PALLD: variants seen among roughly 807,000 people sequenced by gnomAD.
PALLD encodes the protein palladin, cytoskeletal associated protein, also known as palladin.
PALLD carries 61 observed loss-of-function variants against 123.5 expected under a neutral mutation model. The ratio of observed to expected loss-of-function variants is 0.49; its 90% CI spans 0.40 to 0.61. The LOEUF is 0.61. Among genes scored for constraint, PALLD ranks in the 20% least tolerant of loss-of-function variants. The pLI is 0.00. For synonymous variants in PALLD, 465 were observed against 496.4 expected, an observed-to-expected ratio of 0.94 and a Z score of 0.84; for missense variants, 1,273 against 1,377.0, an observed-to-expected ratio of 0.92 and a Z score of 1.20.
intron 2 of PALLD, among the ~76,000 whole-genome samples, chr4:168,550,277 AT>A (rs5863942): frequency 6.6e-6 from 1 of 151,208 alleles, no homozygotes; most frequent in African/African-American, 2.4e-5. Context: ...GCAAAACTAC[AT>A]TTTTTTTTAT....
intron 2 of PALLD, among the ~76,000 whole-genome samples, chr4:168,574,367 A>G (rs1219320359): frequency 6.6e-6 from 1 of 152,152 alleles, no homozygotes; most frequent in African/African-American, 2.4e-5. Flanking sequence ...AGCTTTTGCC[A>G]CTATTTAGCC....
intron 10 of PALLD, among the ~76,000 whole-genome samples, chr4:168,837,996 T>TCAGGCAAGTAGAGAATA (rs1745441286): frequency 6.6e-6 from 1 of 152,158 alleles, no homozygotes; most frequent in African/African-American, 2.4e-5. Context: ...GGGTTGCAGT[T>TCAGGCAAGTAGAGAATA]CAGGCAAGTA....
intron 10 of PALLD, among the ~76,000 whole-genome samples, chr4:168,773,146 G>T (rs1734681966): frequency 6.6e-6 from 1 of 152,128 alleles, no homozygotes; most frequent in Admixed American, 6.5e-5. Context: ...TTGGACTCCA[G>T]GTACCTGTTT....
chr4:168,631,548 T>TC (rs1775806766), intron 2 of PALLD: 1 of 909,670 alleles, frequency 1.1e-6, no homozygotes, highest in Non-Finnish European at 1.3e-6. Context: ...ACACACCCTC[T>TC]CCCCCTCCCC....
intron 2 of PALLD, among the ~76,000 whole-genome samples, chr4:168,575,305 AG>A (rs1176025754): frequency 6.6e-6 from 1 of 152,116 alleles, no homozygotes; most frequent in Non-Finnish European, 1.5e-5. Context: ...CATGGCTGGG[AG>A]GACTCAGGAA....
chr4:168,566,804 A>G (rs951181371), intron 2 of PALLD, among the ~76,000 whole-genome samples: 8 of 152,250 alleles, frequency 5.3e-5, no homozygotes, highest in African/African-American at 1.7e-4. Flanking sequence ...AGAAATCTGC[A>G]TATTAATATA....
intron 2 of PALLD, among the ~76,000 whole-genome samples, chr4:168,626,519 G>C (rs1240231325): frequency 1.3e-5 from 2 of 151,790 alleles, no homozygotes; most frequent in Admixed American, 1.3e-4. Context: ...AGACCATCCT[G>C]GGAAACGTGG....
At chr4:168,872,843 A>G (rs1032632595) in intron 10 of PALLD, among the ~76,000 whole-genome samples, 3 of 152,214 alleles carry the variant, frequency 2.0e-5, no homozygotes, top group Admixed American at 1.3e-4. Context: ...TGAGTAATAG[A>G]ATTTTAAAAG....
At chr4:168,833,400 A>G (rs948542556) in intron 10 of PALLD, among the ~76,000 whole-genome samples, 1 of 151,978 alleles carries the variant, frequency 6.6e-6, no homozygotes, top group Non-Finnish European at 1.5e-5. Flanking sequence ...GCATTCATCA[A>G]CCTGGGAGTC....
At chr4:168,835,629 T>C (rs1333580770) in intron 10 of PALLD, among the ~76,000 whole-genome samples, 1 of 134,004 alleles carries the variant, frequency 7.5e-6, no homozygotes, top group Admixed American at 7.3e-5. Flanking sequence ...AGCTCTGTTA[T>C]CAAATTTTAA....
intron 1 of PALLD, chr4:168,504,813 A>T (rs1425545977): frequency 1.3e-5 from 2 of 152,168 alleles, no homozygotes; most frequent in African/African-American, 2.4e-5. Context: ...AAAATTTCAA[A>T]ATCTTTCAAT....
chr4:168,786,712 G>C (rs1204870298), intron 10 of PALLD, among the ~76,000 whole-genome samples: 1 of 152,084 alleles, frequency 6.6e-6, no homozygotes, highest in Non-Finnish European at 1.5e-5. Context: ...CATTTAAAAA[G>C]CAGTAAATAT....
chr4:168,730,690 C>T (rs1291467049), intron 10 of PALLD, among the ~76,000 whole-genome samples: 2 of 152,074 alleles, frequency 1.3e-5, no homozygotes, highest in African/African-American at 2.4e-5. Flanking sequence ...ATCAGTTTCT[C>T]TAGAAAGACA....
chr4:168,925,145 C>A, intron 20 of PALLD, 67 bp downstream of exon 20: 1 of 1,586,990 alleles, frequency 6.3e-7, no homozygotes, highest in Non-Finnish European at 8.7e-7. Context: ...GACATCTGGA[C>A]AGCAAATCAC....
chr4:168,821,021 T>C (rs892312765), intron 10 of PALLD, among the ~76,000 whole-genome samples: 4 of 152,196 alleles, frequency 2.6e-5, no homozygotes, highest in Admixed American at 6.5e-5. Context: ...CACATCAGTA[T>C]GGAAAAAGAT....
rs566674434 is a variant in PALLD, at chr4:168,820,002, C to G, written c.1965-70920C>G. Among the ~76,000 whole-genome samples, 3 of 152,338 alleles carry G rather than the reference C, an allele frequency of 2.0e-5. No homozygotes were observed. In the South Asian group the frequency reaches 6.2e-4, roughly 32 times the overall value. On this transcript the variant is annotated intron_variant, in intron 10 of 21. Transcript: ENST00000505667. The stretch of plus-strand genomic sequence containing the variant: ...TGGCTGTTCTCTAGAGCTCTACTTG[C>G]TGCCTTTGCCTTCTTGCCCCTCTCC...
At chr4:168,725,084 G>A (rs948073564) in intron 10 of PALLD, among the ~76,000 whole-genome samples, 3 of 152,316 alleles carry the variant, frequency 2.0e-5, no homozygotes, top group African/African-American at 7.2e-5. Context: ...GGTAGCATTT[G>A]AGAGACTCCA....
intron 10 of PALLD, among the ~76,000 whole-genome samples, chr4:168,878,913 C>T (rs1042582744): frequency 2.6e-5 from 4 of 152,140 alleles, no homozygotes; most frequent in Non-Finnish European, 4.4e-5. Flanking sequence ...GCCAGCATTA[C>T]AATGGATGTG....
chr4:168,601,984 C>G (rs28507226), intron 2 of PALLD, among the ~76,000 whole-genome samples: 2,198 of 152,250 alleles, frequency 0.014, 52 homozygotes, highest in African/African-American at 0.05. Context: ...ACTTTCTAAC[C>G]ACTCAATCTA....
Sources: gnomAD v4.1 joint callset for allele counts (sites outside exome capture counted in the v4.1 genomes callset) on GRCh38, gnomAD v4.1.1 for gene constraint, MANE v1.5 for transcripts, NCBI Gene and HGNC (gene_info 2026-07-23, HGNC 2026-07-21) for gene names.